The following ACVR1B variants were observed in gnomAD, a reference collection of about 807,000 sequenced individuals.
ACVR1B encodes the protein activin A receptor type 1B.
A neutral mutation model predicts 55.6 loss-of-function variants in ACVR1B; 15 were observed. The ratio of observed to expected loss-of-function variants is 0.27; its 90% CI spans 0.18 to 0.42. ACVR1B has a LOEUF of 0.42. Among genes scored for constraint, ACVR1B ranks in the 10% least tolerant of loss-of-function variants. The pLI, the probability that ACVR1B is intolerant of heterozygous loss-of-function variation, is 1.00. For missense variants in ACVR1B, 359 were observed against 670.1 expected, an observed-to-expected ratio of 0.54 and a Z score of 5.13; for synonymous variants, 247 against 254.6, an observed-to-expected ratio of 0.97 and a Z score of 0.28.
Position 51,980,442 on chromosome 12 carries a change from C to G in ACVR1B, c.581-527C>G, listed in dbSNP as rs143428166. On this transcript the variant is annotated intron_variant, in intron 3 of 8. Transcript: ENST00000257963. ...ACATAGATGGTCCTCCATTCTACAT[C>G]TGGAGTTCGCTTGTGAGCAGAGCAT... Among the ~76,000 whole-genome samples, 391 of 152,316 alleles carry G rather than the reference C, an allele frequency of 2.6e-3. 2 individuals are homozygous for G. Among genetic ancestry groups the G allele is most frequent in the African/African-American group, 8.8e-3 (367 of 41,564 alleles).
At chr12:51,965,802 TTGGTTAA>T (rs1941627853) in intron 1 of ACVR1B, among the ~76,000 whole-genome samples, 1 of 152,222 alleles carries the variant, frequency 6.6e-6, no homozygotes, top group Non-Finnish European at 1.5e-5. Flanking sequence ...TGTAGCAGTT[TTGGTTAA>T]GAACCCATCC....
At chr12:51,977,944 T>G (rs772294807) in intron 3 of ACVR1B, among the ~76,000 whole-genome samples, 2 of 152,126 alleles carry the variant, frequency 1.3e-5, no homozygotes, top group Non-Finnish European at 2.9e-5. Context: ...TTGTGAGAAC[T>G]TTGCGTGTTT....
At chr12:51,967,432 G>A (rs1379243736) in intron 1 of ACVR1B, among the ~76,000 whole-genome samples, 1 of 151,872 alleles carries the variant, frequency 6.6e-6, no homozygotes, top group Non-Finnish European at 1.5e-5. Flanking sequence ...GGTGGCGGGC[G>A]CCTGTAATCC....
chr12:51,973,578 A>C (rs1265440574), intron 1 of ACVR1B, among the ~76,000 whole-genome samples: 2 of 152,242 alleles, frequency 1.3e-5, no homozygotes, highest in Non-Finnish European at 2.9e-5. Flanking sequence ...GCGATTCCTT[A>C]GTCTTTTTTG....
chr12:51,975,369 G>GT lies in ACVR1B; in HGVS notation c.197dup (p.Arg67AlafsTer33). The GT allele has an allele frequency of 6.2e-7, 1 of 1,614,196 alleles. No individual in the cohort carries two copies. The highest frequency in any genetic ancestry group is 8.5e-7 in the Non-Finnish European group (1 of 1,180,030). On this transcript the variant is annotated frameshift_variant, in exon 2 of 9. Transcript: ENST00000257963. LOFTEE classifies it high-confidence loss of function. ...CAATCTGGATGGGATGGAGCACCAT[G>GT]TGCGCACCTGCATCCCCAAAGTGGA...
intron 1 of ACVR1B, among the ~76,000 whole-genome samples, chr12:51,974,461 CATT>C (rs1941805278): frequency 6.6e-6 from 1 of 152,120 alleles, no homozygotes; most frequent in South Asian, 2.1e-4. Flanking sequence ...CAGCAAAACT[CATT>C]AATCCCAGAG....
intron 3 of ACVR1B, 30 bp from the exon 4 acceptor site, chr12:51,980,939 T>C (rs1941965455): frequency 6.4e-7 from 1 of 1,552,436 alleles, no homozygotes; most frequent in African/African-American, 1.4e-5. Flanking sequence ...ATTTGCAATG[T>C]CAGGTTTCTT....
At chr12:51,989,857 C>T (rs2453069) in intron 7 of ACVR1B, among the ~76,000 whole-genome samples, 100,112 of 151,796 alleles carry the variant, frequency 0.66, 33,847 homozygotes, top group South Asian at 0.74. Context: ...TGGTAGCGTA[C>T]GCCTGTAGTC....
intron 4 of ACVR1B, among the ~76,000 whole-genome samples, chr12:51,982,121 C>T (rs1360206322): frequency 2.6e-5 from 4 of 152,164 alleles, no homozygotes; most frequent in Admixed American, 6.5e-5. Flanking sequence ...GAGGTAAACA[C>T]GAGTTGTTCT....
intron 8 of ACVR1B, 130 bp from the exon 9 acceptor site, chr12:51,993,855 G>C (rs2854463): frequency 9.0e-7 from 1 of 1,113,896 alleles, no homozygotes; most frequent in Non-Finnish European, 1.2e-6. Context: ...CCTAAGGTCG[G>C]CCGCCGGGTG....
At chr12:51,981,919 C>T (rs544931868) in intron 4 of ACVR1B, among the ~76,000 whole-genome samples, 4 of 152,216 alleles carry the variant, frequency 2.6e-5, no homozygotes, top group Admixed American at 6.5e-5. Context: ...AGGAGGATAA[C>T]GACAGAAAAG....
chr12:51,982,659 A>G (rs1191837428), intron 4 of ACVR1B: 14 of 1,505,358 alleles, frequency 9.3e-6, no homozygotes, highest in South Asian at 1.3e-5. Flanking sequence ...AGAAGATGCT[A>G]TTTGTTTTTC....
At chr12:51,978,829 CAAAAAAA>C (rs34088542) in intron 3 of ACVR1B, among the ~76,000 whole-genome samples, 1 of 48,280 alleles carries the variant, frequency 2.1e-5, no homozygotes, top group South Asian at 8.0e-4. Flanking sequence ...GACTCCGTCT[CAAAAAAA>C]AAAAAAAAAA....
chr12:51,986,748 A>G, intron 6 of ACVR1B, 70 bp from the exon 7 acceptor site: 1 of 1,547,354 alleles, frequency 6.5e-7, no homozygotes, highest in South Asian at 1.3e-5. Flanking sequence ...GGGCTCCTGA[A>G]TCAATACTTT....
At chr12:51,968,698 T>C (rs1213539088) in intron 1 of ACVR1B, among the ~76,000 whole-genome samples, 4 of 152,220 alleles carry the variant, frequency 2.6e-5, no homozygotes, top group Non-Finnish European at 5.9e-5. Flanking sequence ...TTTTGGGTTC[T>C]TGCTCTGGAG....
intron 1 of ACVR1B, among the ~76,000 whole-genome samples, chr12:51,960,708 A>G (rs1044126365): frequency 2.0e-5 from 3 of 152,184 alleles, no homozygotes; most frequent in Non-Finnish European, 2.9e-5. Flanking sequence ...TGCTCTAAAT[A>G]TTGTACTGTG....
intron 8 of ACVR1B, among the ~76,000 whole-genome samples, chr12:51,993,552 CGA>C (rs1212911914): frequency 1.3e-5 from 2 of 151,874 alleles, no homozygotes; most frequent in Non-Finnish European, 2.9e-5. Context: ...ATCACAAGGT[CGA>C]GAGAGCGAGA....
intron 1 of ACVR1B, among the ~76,000 whole-genome samples, chr12:51,958,338 A>G (rs1035738403): frequency 6.6e-5 from 10 of 152,266 alleles, no homozygotes; most frequent in South Asian, 6.2e-4. Context: ...TAATTTTCCC[A>G]CAGGGGAAGT....
chr12:51,965,114 C>T (rs1463411309), intron 1 of ACVR1B, among the ~76,000 whole-genome samples: 3 of 152,126 alleles, frequency 2.0e-5, no homozygotes, highest in East Asian at 1.9e-4. Flanking sequence ...TGGACAAGTT[C>T]GGTTCTCAGT....
Sources: gnomAD v4.1 joint callset for allele counts (sites outside exome capture counted in the v4.1 genomes callset) on GRCh38, gnomAD v4.1.1 for gene constraint, MANE v1.5 for transcripts, NCBI Gene and HGNC (gene_info 2026-07-23, HGNC 2026-07-21) for gene names.